Variants in SIPA1L3 observed in about 807,000 individuals in gnomAD.
SIPA1L3 encodes the protein signal-induced proliferation-associated 1-like protein 3.
A neutral mutation model predicts 150.1 loss-of-function variants in SIPA1L3; 59 were observed. The observed-to-expected ratio is 0.39, with a 90% confidence interval of 0.32 to 0.49. The LOEUF is 0.49. SIPA1L3 is among the 20% of genes least tolerant of loss of function. The probability of loss-of-function intolerance (pLI) is 0.86; values close to 1 mark genes in which losing one functional copy is unlikely to be tolerated. For missense variants in SIPA1L3, 2,211 were observed against 2,489.5 expected (o/e 0.89, Z 2.38); for synonymous variants, 1,070 against 1,077.6 (o/e 0.99, Z 0.14).
chr19:38,087,516 C>G (rs1053311238), intron 3 of SIPA1L3, among the ~76,000 whole-genome samples: 3 of 152,142 alleles, frequency 2.0e-5, no homozygotes, highest in Admixed American at 6.5e-5. Flanking sequence ...TAGATGCTAA[C>G]TTTGTGGACT....
At chr19:38,134,037 G>A (rs1422980524) in intron 10 of SIPA1L3, among the ~76,000 whole-genome samples, 1 of 151,554 alleles carries the variant, frequency 6.6e-6, no homozygotes, top group Non-Finnish European at 1.5e-5. Flanking sequence ...AGACTGCAGT[G>A]CAGTGGCATG....
At chr19:38,036,608 C>T (rs983339316) in intron 2 of SIPA1L3, among the ~76,000 whole-genome samples, 1 of 152,202 alleles carries the variant, frequency 6.6e-6, no homozygotes, top group Non-Finnish European at 1.5e-5. Flanking sequence ...CCACACCTTC[C>T]GGTCGGTGAT....
intron 10 of SIPA1L3, among the ~76,000 whole-genome samples, chr19:38,138,919 A>G (rs1971505950): frequency 1.5e-5 from 2 of 133,050 alleles, no homozygotes; most frequent in East Asian, 2.3e-4. Context: ...AAAAAAACTG[A>G]GTGTGGTGGC....
intron 12 of SIPA1L3, among the ~76,000 whole-genome samples, chr19:38,148,921 C>A (rs1325102320): frequency 6.6e-6 from 1 of 152,204 alleles, no homozygotes; most frequent in Non-Finnish European, 1.5e-5. Context: ...GCAATTTGAT[C>A]TTCTCTTCTG....
Position 37,932,071 on chromosome 19 carries a change from C to T in SIPA1L3, c.-379+24713C>T, listed in dbSNP as rs943303456. On this transcript the variant is annotated intron_variant, in intron 1 of 21. Transcript: ENST00000222345. The stretch of plus-strand genomic sequence containing the variant: ...TCCAAAGCTGGCTGGAAGAGTCCAG[C>T]GACCGTGTTTAATCATTAAGCTGCA... Among the ~76,000 whole-genome samples, 4 of 152,316 alleles carry T rather than the reference C, an allele frequency of 2.6e-5. No individual in the cohort carries two copies. In the East Asian group the frequency reaches 5.8e-4, roughly 22 times the overall value.
chr19:38,063,605 A>C (rs914744693), intron 2 of SIPA1L3, among the ~76,000 whole-genome samples: 2 of 152,220 alleles, frequency 1.3e-5, no homozygotes, highest in African/African-American at 4.8e-5. Flanking sequence ...CCGTGCTGGC[A>C]AGACACTGTC....
At chr19:37,943,792 G>C (rs2046683985) in intron 1 of SIPA1L3, among the ~76,000 whole-genome samples, 1 of 152,164 alleles carries the variant, frequency 6.6e-6, no homozygotes, top group Admixed American at 6.5e-5. Flanking sequence ...TCTCAGAAGA[G>C]GTGTGACCTC....
rs1366454960 is a variant in SIPA1L3, at chr19:38,084,895, C to T, written c.1534+1796C>T. 2.6e-5 allele frequency among the ~76,000 whole-genome samples: 4 copies of T among 152,128 alleles called. No individual in the cohort carries two copies. In the East Asian group the frequency reaches 5.9e-4, roughly 22 times the overall value. On this transcript the variant is annotated intron_variant, in intron 3 of 21. Coordinates refer to ENST00000222345, the MANE Select transcript of SIPA1L3 (RefSeq NM_015073.3). ...CCTCAGGTGATCCACCCACCTTGGC[C>T]TCCCAAAGAGTTGGGATTACAGGCG...
rs547840508 is a variant in SIPA1L3 at position 38,047,206 on chromosome 19, C to T, written c.-311+18050C>T. On this transcript the variant is annotated intron_variant, in intron 2 of 21. Coordinates refer to ENST00000222345, the MANE Select transcript of SIPA1L3 (RefSeq NM_015073.3). The surrounding 1 kb of genome is among the most constrained non-coding windows in gnomAD (Gnocchi z 4.7). ...ATAATCACTCTGCTATACTTCCTGCCAGCCTGTTCTCCCCCGCCGACACAC... is the reference window on the plus strand; with the variant it reads ...ATAATCACTCTGCTATACTTCCTGCTAGCCTGTTCTCCCCCGCCGACACAC... Among the ~76,000 whole-genome samples the T allele has an allele frequency of 6.6e-6, 1 of 152,254 alleles. No homozygotes were observed. The highest frequency in any genetic ancestry group is 2.1e-4 in the South Asian group (1 of 4,822).
At chr19:37,945,446 T>C (rs887371558) in intron 1 of SIPA1L3, among the ~76,000 whole-genome samples, 2 of 152,060 alleles carry the variant, frequency 1.3e-5, no homozygotes, top group Non-Finnish European at 2.9e-5. Flanking sequence ...CCATTTTGCC[T>C]AGACTGGTCT....
chr19:38,158,398 G>A (rs959222128), intron 13 of SIPA1L3, among the ~76,000 whole-genome samples: 7 of 152,212 alleles, frequency 4.6e-5, no homozygotes, highest in African/African-American at 1.7e-4. Context: ...GAGACCCTGA[G>A]GTGGTGGCGA....
intron 2 of SIPA1L3, among the ~76,000 whole-genome samples, chr19:38,040,217 A>C (rs1968885684): frequency 6.6e-6 from 1 of 152,062 alleles, no homozygotes. Flanking sequence ...TACAAGAGTC[A>C]CTTTTTGAGT....
chr19:37,966,831 G>A (rs1173763113), intron 1 of SIPA1L3, among the ~76,000 whole-genome samples: 2 of 152,172 alleles, frequency 1.3e-5, no homozygotes, highest in Non-Finnish European at 2.9e-5. Context: ...GTGGAGGCGT[G>A]GGGGTGGAGC....
At chr19:38,110,666 T>C (rs1007602545) in intron 8 of SIPA1L3, among the ~76,000 whole-genome samples, 17 of 152,268 alleles carry the variant, frequency 1.1e-4, no homozygotes, top group Non-Finnish European at 2.2e-4. Context: ...AAAAGACAGT[T>C]GTGTATATAG....
chr19:38,049,261 C>T (rs548967135), intron 2 of SIPA1L3, among the ~76,000 whole-genome samples: 43 of 152,122 alleles, frequency 2.8e-4, no homozygotes, highest in Non-Finnish European at 3.1e-4. Flanking sequence ...GAAATATTTC[C>T]GGTGTGTCTG....
intron 1 of SIPA1L3, among the ~76,000 whole-genome samples, chr19:37,977,705 C>G (rs1374435430): frequency 1.3e-5 from 2 of 152,148 alleles, no homozygotes; most frequent in Non-Finnish European, 2.9e-5. Context: ...GCGCCCGTGT[C>G]CTCCATGCTC....
intron 1 of SIPA1L3, among the ~76,000 whole-genome samples, chr19:37,960,628 C>T (rs934179661): frequency 2.0e-5 from 3 of 151,676 alleles, no homozygotes; most frequent in Non-Finnish European, 2.9e-5. Flanking sequence ...AGGATGGTCT[C>T]GATCTCCTGA....
chr19:37,986,197 A>G (rs923151697), intron 1 of SIPA1L3, among the ~76,000 whole-genome samples: 26 of 152,212 alleles, frequency 1.7e-4, no homozygotes, highest in African/African-American at 6.3e-4. Flanking sequence ...TTCAGGGCTT[A>G]AACTCCGGCT....
intron 21 of SIPA1L3, 98 bp from the exon 22 acceptor site, chr19:38,205,999 G>A: frequency 2.2e-6 from 3 of 1,379,086 alleles, no homozygotes; most frequent in Non-Finnish European, 2.9e-6. Flanking sequence ...TGGCTCCAAA[G>A]CACAGCCGGG....
Sources: allele counts gnomAD v4.1 joint callset (sites outside exome capture counted in the v4.1 genomes callset), GRCh38; gene constraint gnomAD v4.1.1; non-coding constraint Gnocchi (gnomAD v3.1); transcripts MANE v1.5; gene names NCBI Gene and HGNC (gene_info 2026-07-23, HGNC 2026-07-21).